The following SIRPG variants were observed in gnomAD, a reference collection of about 807,000 sequenced individuals.
SIRPG encodes signal-regulatory protein gamma.
Under a neutral mutation model 35.7 loss-of-function variants are expected in SIRPG, and 38 were observed. The observed-to-expected ratio is 1.06, with a 90% confidence interval of 0.82 to 1.40. The LOEUF (loss-of-function observed/expected upper bound fraction) is 1.40, where lower values mean the gene tolerates loss of function less well. Ranked by LOEUF, SIRPG falls within the 40% of genes most tolerant of loss-of-function variation. The pLI is 0.00. For synonymous variants in SIRPG, 215 were observed against 190.4 expected, an observed-to-expected ratio of 1.13 and a Z score of -1.06; for missense variants, 519 against 483.0, an observed-to-expected ratio of 1.07 and a Z score of -0.70.
At chr20:1,683,035 T>A in the SIRPG span, among the ~76,000 whole-genome samples, 1 of 152,092 alleles carries the variant, frequency 6.6e-6, no homozygotes, top group African/African-American at 2.4e-5. Context: ...TATAAAGAAC[T>A]CAAGCAACTC....
At chr20:1,632,069 A>G (rs546522986) in intron 4 of SIRPG, among the ~76,000 whole-genome samples, 4 of 152,274 alleles carry the variant, frequency 2.6e-5, no homozygotes, top group African/African-American at 7.2e-5. Context: ...CTCAGCTTCA[A>G]CGGTTGCTAT....
At chr20:1,683,433 C>A in the SIRPG span, among the ~76,000 whole-genome samples, 438 of 152,120 alleles carry the variant, frequency 2.9e-3, 1 homozygote, top group African/African-American at 0.01. Context: ...CATGTCACAG[C>A]GATATCTGCA....
At chr20:1,664,188 C>T in the SIRPG span, among the ~76,000 whole-genome samples, 1 of 152,112 alleles carries the variant, frequency 6.6e-6, no homozygotes, top group South Asian at 2.1e-4. Flanking sequence ...ATGTATCTGC[C>T]CCCATGACTC....
rs531256278 is a variant in SIRPG, at chr20:1,631,023, G to T, written c.1082-717C>A. Reference sequence around the variant, plus strand: ...CTAGGCCACCTCCACCCCAGTGCAGGTGTCATCTGAAATCTTTCTGTTAGT... The same window carrying T: ...CTAGGCCACCTCCACCCCAGTGCAGTTGTCATCTGAAATCTTTCTGTTAGT... On this transcript the variant is annotated intron_variant, in intron 4 of 5. Transcript: ENST00000303415. Among the ~76,000 whole-genome samples the T allele has an allele frequency of 3.9e-5, 6 of 152,244 alleles. No individual in the cohort carries two copies. In the South Asian group the frequency reaches 1.2e-3, roughly 32 times the overall value.
At chr20:1,679,242 C>A in the SIRPG span, among the ~76,000 whole-genome samples, 30 of 152,218 alleles carry the variant, frequency 2.0e-4, no homozygotes, top group African/African-American at 7.2e-4. Context: ...ACATGGCACT[C>A]AAAATTGTAT....
At chr20:1,665,057 T>A in the SIRPG span, among the ~76,000 whole-genome samples, 1 of 152,146 alleles carries the variant, frequency 6.6e-6, no homozygotes, top group African/African-American at 2.4e-5. Flanking sequence ...CGTGGACACC[T>A]TTGAACAGCC....
chr20:1,681,008 T>C, the SIRPG span, among the ~76,000 whole-genome samples: 439 of 152,350 alleles, frequency 2.9e-3, 1 homozygote, highest in African/African-American at 0.01. Context: ...TCCTGGAACA[T>C]AGTAGATATC....
At chr20:1,644,900 G>C (rs1379589548) in intron 2 of SIRPG, among the ~76,000 whole-genome samples, 1 of 152,080 alleles carries the variant, frequency 6.6e-6, no homozygotes, top group Non-Finnish European at 1.5e-5. Flanking sequence ...GTCAGAACCT[G>C]GATACTTCAG....
intron 2 of SIRPG, 68 bp from the exon 3 acceptor site, chr20:1,636,573 C>T: frequency 6.7e-7 from 1 of 1,496,102 alleles, no homozygotes; most frequent in Non-Finnish European, 9.3e-7. Context: ...GAGTGTGTGA[C>T]ACTGTTAAGA....
chr20:1,661,689 T>A (rs2091996335), upstream of SIRPG, among the ~76,000 whole-genome samples: 1 of 152,306 alleles, frequency 6.6e-6, no homozygotes, highest in South Asian at 2.1e-4. Flanking sequence ...GTGAGGTAGC[T>A]GTAGGGAGAA....
At chr20:1,668,794 A>T in the SIRPG span, among the ~76,000 whole-genome samples, 1 of 152,192 alleles carries the variant, frequency 6.6e-6, no homozygotes, top group Non-Finnish European at 1.5e-5. Flanking sequence ...ATCACCCAGG[A>T]TGGACTCCAT....
chr20:1,679,269 C>T, the SIRPG span, among the ~76,000 whole-genome samples: 1 of 152,148 alleles, frequency 6.6e-6, no homozygotes, highest in Non-Finnish European at 1.5e-5. Context: ...ATAAAGATGT[C>T]CAGTTAGGTG....
chr20:1,652,678 A>G (rs572120583), intron 1 of SIRPG, among the ~76,000 whole-genome samples: 8 of 152,364 alleles, frequency 5.3e-5, no homozygotes, highest in Admixed American at 2.6e-4. Context: ...TGAAAACAAT[A>G]AAAAGGATAT....
the SIRPG span, among the ~76,000 whole-genome samples, chr20:1,682,354 T>C: frequency 1.3e-5 from 2 of 152,180 alleles, no homozygotes; most frequent in African/African-American, 4.8e-5. Context: ...TAAGGATGGG[T>C]CGATATTCAG....
chr20:1,631,539 C>T (rs1358872833), intron 4 of SIRPG, among the ~76,000 whole-genome samples: 1 of 152,194 alleles, frequency 6.6e-6, no homozygotes, highest in Non-Finnish European at 1.5e-5. Flanking sequence ...CTGAGGCATG[C>T]TGACCCTACA....
intron 4 of SIRPG, among the ~76,000 whole-genome samples, chr20:1,634,556 G>T (rs904983437): frequency 6.6e-6 from 1 of 152,054 alleles, no homozygotes; most frequent in Admixed American, 6.5e-5. Flanking sequence ...CAGATGTCAG[G>T]GTGTACTGGG....
intron 2 of SIRPG, among the ~76,000 whole-genome samples, chr20:1,640,657 T>C (rs1320283440): frequency 6.6e-6 from 1 of 152,174 alleles, no homozygotes; most frequent in Admixed American, 6.5e-5. Flanking sequence ...TGAATAGAAA[T>C]GGTTAGAGAG....
chr20:1,666,662 A>C, the SIRPG span: 5 of 152,180 alleles, frequency 3.3e-5, no homozygotes, highest in African/African-American at 1.2e-4. Context: ...AAAAATAAAA[A>C]ATGTATATAC....
In SIRPG at chr20:1,629,188, G is replaced by C. The variant is rs1197267282; in HGVS notation, c.*451C>G. 2 of 152,162 alleles carry C rather than the reference G, an allele frequency of 1.3e-5. No homozygotes were observed. The highest frequency in any genetic ancestry group is 2.9e-5 in the Non-Finnish European group (2 of 68,038). The allele number at this position is 152,162 out of a possible 1,614,324, so 9.4% of individuals were successfully genotyped here. A position where few individuals can be genotyped will look rare whatever the true frequency, so the allele number is the denominator to read the frequency against. On this transcript the variant is annotated 3_prime_UTR_variant, in exon 6 of 6. Transcript: ENST00000303415. ...CTTTTTATTTTCTTAAAACCACTTT[G>C]GGAGTGCATTTGTATTCAAGAGGCA...
Sources: allele counts gnomAD v4.1 joint callset (sites outside exome capture counted in the v4.1 genomes callset), GRCh38; gene constraint gnomAD v4.1.1; transcripts MANE v1.5; gene names NCBI Gene and HGNC (gene_info 2026-07-23, HGNC 2026-07-21).